Variants in CUX2 observed in about 807,000 individuals in gnomAD.
CUX2 encodes cut like homeobox 2.
In CUX2, 40 loss-of-function variants were observed where a neutral mutation model predicts 144.8. That is an observed-to-expected ratio of 0.28 (90% CI 0.21 to 0.36). CUX2 has a LOEUF of 0.36. CUX2 is among the 10% of genes least tolerant of loss of function. CUX2 has a pLI of 1.00. For synonymous variants in CUX2, 827 were observed against 875.6 expected, an observed-to-expected ratio of 0.94 and a Z score of 0.98; for missense variants, 1,615 against 1,994.0, an observed-to-expected ratio of 0.81 and a Z score of 3.62.
intron 4 of CUX2, among the ~76,000 whole-genome samples, chr12:111,267,618 G>C (rs574804669): frequency 1.3e-5 from 2 of 152,320 alleles, no homozygotes; most frequent in South Asian, 4.1e-4. Flanking sequence ...AAACAACAGA[G>C]ATTCATTCCG....
At chr12:111,083,342 G>C (rs1315087511) in intron 1 of CUX2, among the ~76,000 whole-genome samples, 2 of 152,150 alleles carry the variant, frequency 1.3e-5, no homozygotes, top group African/African-American at 4.8e-5. Flanking sequence ...GGGATCAGCA[G>C]GCCAAGGAGA....
intron 3 of CUX2, among the ~76,000 whole-genome samples, chr12:111,234,115 G>C (rs1253812785): frequency 1.3e-5 from 2 of 152,180 alleles, no homozygotes; most frequent in Non-Finnish European, 2.9e-5. Context: ...ATATGCCCAA[G>C]AGTGGGTAAA....
rs1042084492 is a variant in CUX2 at position 111,341,143 on chromosome 12, G to A, written c.3386-637G>A. 2.6e-5 allele frequency among the ~76,000 whole-genome samples: 4 copies of A among 152,208 alleles called. No homozygotes were observed. In the East Asian group the frequency reaches 7.7e-4, roughly 29 times the overall value. ...AAGCATTTCAAACACTCTACAAAAC[G>A]ATGAACCAGGCATGGTGGCGTGCAC... On this transcript the variant is annotated intron_variant, in intron 20 of 21. Coordinates refer to ENST00000261726, the MANE Select transcript of CUX2 (RefSeq NM_015267.4).
chr12:111,348,872 G>A lies in CUX2; in HGVS notation c.*547G>A, dbSNP rs3742005. 0.02 allele frequency: 3,086 copies of A among 152,938 alleles called. 89 individuals carry two copies. The highest frequency in any genetic ancestry group is 0.12 in the East Asian group (623 of 5,178). 9.5% of individuals were successfully genotyped at this position (152,938 alleles called of 1,614,324 possible). On this transcript the variant is annotated 3_prime_UTR_variant, in exon 22 of 22. Coordinates refer to ENST00000261726, the MANE Select transcript of CUX2 (RefSeq NM_015267.4). The stretch of plus-strand genomic sequence containing the variant: ...AAAATTTAGATAACCTTTGAACCAC[G>A]ATTTTTTTCCACATCTGTCTGTGAG...
At chr12:111,082,712 G>A (rs1423276722) in intron 1 of CUX2, among the ~76,000 whole-genome samples, 8 of 152,182 alleles carry the variant, frequency 5.3e-5, no homozygotes, top group Admixed American at 2.6e-4. Flanking sequence ...AAGACTCGCC[G>A]GGAGGTGGAG....
chr12:111,053,006 C>T (rs556251658), intron 1 of CUX2, among the ~76,000 whole-genome samples: 6 of 151,918 alleles, frequency 3.9e-5, no homozygotes, highest in South Asian at 4.2e-4. Flanking sequence ...AAACCCCAGA[C>T]GGGTAGCTAG....
intron 18 of CUX2, among the ~76,000 whole-genome samples, chr12:111,328,974 T>TCTCTCTCTCTCTCTCTCTCTCTC (rs1435391998): frequency 1.5e-5 from 1 of 65,356 alleles, no homozygotes; most frequent in Non-Finnish European, 2.6e-5. Flanking sequence ...TCTCTCTCTC[T>TCTCTCTCTCTCTCTCTCTCTCTC]CCCCCTCTCT....
chr12:111,172,989 T>C lies in CUX2; in HGVS notation c.64-41211T>C, dbSNP rs1383457879. ...GGCTTAGTTCGAGGCAGCCTCAGCC[T>C]CTCAGCCAGAAGACTTGGGTGAGTG... On this transcript the variant is annotated intron_variant, in intron 1 of 21. Transcript: ENST00000261726. Among the ~76,000 whole-genome samples the C allele has an allele frequency of 2.6e-5, 4 of 152,226 alleles. No individual in the cohort carries two copies. The East Asian group carries it at 7.7e-4, about 29-fold the overall frequency.
chr12:111,270,870 G>A (rs982026509), intron 4 of CUX2, among the ~76,000 whole-genome samples: 13 of 152,276 alleles, frequency 8.5e-5, no homozygotes, highest in African/African-American at 2.9e-4. Context: ...TATAGAGGTT[G>A]ACACACCTGG....
intron 3 of CUX2, among the ~76,000 whole-genome samples, chr12:111,261,764 A>G (rs902472052): frequency 6.6e-6 from 1 of 152,092 alleles, no homozygotes; most frequent in African/African-American, 2.4e-5. Context: ...TTAGCCAGGT[A>G]TGGTGGCGGG....
At chr12:111,163,165 C>T (rs1019520725) in intron 1 of CUX2, among the ~76,000 whole-genome samples, 2 of 152,108 alleles carry the variant, frequency 1.3e-5, no homozygotes, top group Non-Finnish European at 2.9e-5. Flanking sequence ...CCTCAGTTTA[C>T]CCACCTCATA....
intron 4 of CUX2, among the ~76,000 whole-genome samples, chr12:111,286,011 C>T (rs1885361730): frequency 6.6e-6 from 1 of 152,222 alleles, no homozygotes; most frequent in South Asian, 2.1e-4. Context: ...TGATAGATCC[C>T]TCCCCAGTGT....
At chr12:111,053,819 G>A (rs1870393378) in intron 1 of CUX2, among the ~76,000 whole-genome samples, 1 of 152,158 alleles carries the variant, frequency 6.6e-6, no homozygotes, top group Non-Finnish European at 1.5e-5. Context: ...CATGGTGATT[G>A]GTAAACATTG....
At chr12:111,087,635 T>C (rs1872316564) in intron 1 of CUX2, among the ~76,000 whole-genome samples, 1 of 152,186 alleles carries the variant, frequency 6.6e-6, no homozygotes, top group East Asian at 1.9e-4. Flanking sequence ...CCATAAGTTG[T>C]TTGTTCAGTC....
chr12:111,158,920 C>G (rs1877564619), intron 1 of CUX2, among the ~76,000 whole-genome samples: 2 of 152,138 alleles, frequency 1.3e-5, no homozygotes, highest in Admixed American at 1.3e-4. Flanking sequence ...GGGAACAACA[C>G]TCAGCCACAG....
intron 2 of CUX2, 93 bp from the exon 3 acceptor site, chr12:111,217,796 AT>A: frequency 7.5e-7 from 1 of 1,324,938 alleles, no homozygotes; most frequent in Non-Finnish European, 1.1e-6. Context: ...TGCTTGGGAA[AT>A]GCTGAGCCAG....
intron 3 of CUX2, among the ~76,000 whole-genome samples, chr12:111,218,359 T>A (rs1881664240): frequency 6.6e-6 from 1 of 151,824 alleles, no homozygotes; most frequent in Non-Finnish European, 1.5e-5. Context: ...TACAAAAAAA[T>A]TTAAAAATTA....
At chr12:111,243,122 G>A (rs548527128) in intron 3 of CUX2, among the ~76,000 whole-genome samples, 17 of 152,130 alleles carry the variant, frequency 1.1e-4, no homozygotes, top group Admixed American at 8.5e-4. Context: ...ATTTTGGTAG[G>A]TTTTCTTTTA....
rs1465326862 is a variant in CUX2, at chr12:111,061,358, CT to C, written c.63+27122del. Among the ~76,000 whole-genome samples, 1 of 152,080 alleles carries C rather than the reference CT, an allele frequency of 6.6e-6. No homozygotes were observed. The highest frequency in any genetic ancestry group is 2.4e-5 in the African/African-American group (1 of 41,386). On this transcript the variant is annotated intron_variant, in intron 1 of 21. Coordinates refer to ENST00000261726, the MANE Select transcript of CUX2 (RefSeq NM_015267.4). The surrounding 1 kb of genome is among the most constrained non-coding windows in gnomAD (Gnocchi z 4.2). ...CAATGAGGAGAGCCACTGAGGAAAG[CT>C]TTTCGGGATGGGGGAGGAGGAGGGA...
Sources: allele counts gnomAD v4.1 joint callset (sites outside exome capture counted in the v4.1 genomes callset), GRCh38; gene constraint gnomAD v4.1.1; non-coding constraint Gnocchi (gnomAD v3.1); transcripts MANE v1.5; gene names NCBI Gene and HGNC (gene_info 2026-07-23, HGNC 2026-07-21).